Variants in ANO2 observed in about 807,000 individuals in gnomAD.
The protein encoded by ANO2 is anoctamin 2.
A neutral mutation model predicts 124.2 loss-of-function variants in ANO2; 101 were observed. That is an observed-to-expected ratio of 0.81 (90% confidence interval 0.69 to 0.96). The LOEUF (loss-of-function observed/expected upper bound fraction) is 0.96. Among genes scored for constraint, ANO2 ranks in the 40% least tolerant of loss-of-function variants. The pLI is 0.00. For missense variants in ANO2, 1,293 were observed against 1,274.5 expected (o/e 1.01, Z -0.22); for synonymous variants, 486 against 482.5 (o/e 1.01, Z -0.09).
chr12:5,761,058 CAAAAA>C (rs34278479), intron 10 of ANO2, among the ~76,000 whole-genome samples: 9 of 120,938 alleles, frequency 7.4e-5, no homozygotes, highest in Non-Finnish European at 8.6e-5. Context: ...ACCCCCACAG[CAAAAA>C]AAAAAAAAAA....
At chr12:5,789,509 C>T (rs1021397763) in intron 10 of ANO2, among the ~76,000 whole-genome samples, 2 of 152,212 alleles carry the variant, frequency 1.3e-5, no homozygotes, top group South Asian at 2.1e-4. Flanking sequence ...GAGTCCCTGC[C>T]GCAGGCTGAG....
chr12:5,847,506 C>T (rs1437092000), intron 4 of ANO2, among the ~76,000 whole-genome samples: 1 of 150,136 alleles, frequency 6.7e-6, no homozygotes, highest in Non-Finnish European at 1.5e-5. Flanking sequence ...TCTGGAGAAC[C>T]CTAATACAAG....
intron 14 of ANO2, among the ~76,000 whole-genome samples, chr12:5,694,493 G>C (rs1256621659): frequency 1.3e-5 from 2 of 152,100 alleles, no homozygotes; most frequent in African/African-American, 4.8e-5. Flanking sequence ...CCCACAAAGA[G>C]TTTACAGAGA....
chr12:5,744,148 G>T lies in ANO2; in HGVS notation c.1351+9C>A, dbSNP rs750688128. 9.9e-6 allele frequency: 16 copies of T among 1,613,146 alleles called. No homozygotes were observed. The highest frequency in any genetic ancestry group is 1.3e-5 in the Non-Finnish European group (15 of 1,179,820). ...ACCCATATAAGCAAGCCTGGTGATG[G>T]CCACATACCCCACAGAGCCATGAAG... On this transcript the variant is annotated intron_variant, in intron 12 of 24. Transcript: ENST00000682330.
Position 5,578,000 on chromosome 12 carries a change from C to A in ANO2, c.2394G>T (p.Trp798Cys), listed in dbSNP as rs201112965. Reference protein sequence around the residue: ...DAVRTKDIGIWFDILSGIGKF... With the variant: ...DAVRTKDIGICFDILSGIGKF... ...TGCCAATTCCAGAGAGAATGTCAAA[C>A]CAGATTCCTACAAGACAGAAAAGAC... The change falls in exon 22 of 25, where the codon TGG becomes TGT. Residue 798 changes from tryptophan (W) to cysteine (C), a missense_variant. Trp to Cys is a radical substitution (Grantham distance 215, BLOSUM62 -2). Coordinates refer to ENST00000682330, the MANE Select transcript of ANO2 (RefSeq NM_001364791.2). 4 of 1,613,638 alleles carry A rather than the reference C, an allele frequency of 2.5e-6. No individual in the cohort carries two copies. The highest frequency in any genetic ancestry group is 3.4e-6 in the Non-Finnish European group (4 of 1,179,768).
chr12:5,891,181 C>T (rs1939364364), intron 3 of ANO2, among the ~76,000 whole-genome samples: 1 of 152,146 alleles, frequency 6.6e-6, no homozygotes, highest in Admixed American at 6.5e-5. Context: ...TTAGCATGGA[C>T]AGAGAGAGCC....
At chr12:5,598,232 CA>C (rs1201688603) in intron 20 of ANO2, among the ~76,000 whole-genome samples, 4 of 152,188 alleles carry the variant, frequency 2.6e-5, no homozygotes, top group Admixed American at 6.5e-5. Flanking sequence ...GAGTCATATG[CA>C]AACACAGTGA....
intron 3 of ANO2, chr12:5,870,515 C>A (rs1460599303): frequency 6.6e-6 from 1 of 152,244 alleles, no homozygotes; most frequent in African/African-American, 2.4e-5. Flanking sequence ...GGCAGGAATT[C>A]TCTCAGCACC....
intron 23 of ANO2, among the ~76,000 whole-genome samples, chr12:5,574,521 A>G (rs1270567596): frequency 6.6e-6 from 1 of 151,732 alleles, no homozygotes; most frequent in Non-Finnish European, 1.5e-5. Flanking sequence ...ATGTAACCAC[A>G]TCCCAGTCCT....
chr12:5,907,489 A>G (rs941954552), intron 3 of ANO2, among the ~76,000 whole-genome samples: 1 of 152,220 alleles, frequency 6.6e-6, no homozygotes, highest in Non-Finnish European at 1.5e-5. Flanking sequence ...TTGAACTGTT[A>G]ACTCTCTGTT....
chr12:5,585,277 G>A (rs1943049988), intron 20 of ANO2, among the ~76,000 whole-genome samples: 1 of 152,108 alleles, frequency 6.6e-6, no homozygotes. Context: ...ACAATATGTG[G>A]AATTCCTTTT....
At chr12:5,579,265 C>T (rs1942600180) in intron 20 of ANO2, among the ~76,000 whole-genome samples, 1 of 152,190 alleles carries the variant, frequency 6.6e-6, no homozygotes, top group Non-Finnish European at 1.5e-5. Flanking sequence ...TGTAGGCAAA[C>T]ATGTGCAACA....
chr12:5,859,561 G>T (rs938257785), intron 3 of ANO2, among the ~76,000 whole-genome samples: 4 of 151,494 alleles, frequency 2.6e-5, no homozygotes, highest in Admixed American at 6.6e-5. Flanking sequence ...TCCAAGATGG[G>T]GTCTTGCTTT....
intron 1 of ANO2, among the ~76,000 whole-genome samples, chr12:5,934,104 CAT>C (rs1942550609): frequency 1.3e-5 from 2 of 152,216 alleles, no homozygotes; most frequent in African/African-American, 4.8e-5. Flanking sequence ...TAACACTTTA[CAT>C]GTGTCAGACA....
intron 19 of ANO2, among the ~76,000 whole-genome samples, chr12:5,609,362 T>C (rs1944368366): frequency 6.6e-6 from 1 of 151,856 alleles, no homozygotes; most frequent in Non-Finnish European, 1.5e-5. Flanking sequence ...CCAAAGAAAA[T>C]ACATGCCCAA....
At chr12:5,735,886 T>G (rs1313197971) in intron 13 of ANO2, among the ~76,000 whole-genome samples, 1 of 152,024 alleles carries the variant, frequency 6.6e-6, no homozygotes, top group African/African-American at 2.4e-5. Context: ...ACTGAGGATA[T>G]CTAAGCTTTG....
chr12:5,717,787 C>T (rs894478458), intron 14 of ANO2, among the ~76,000 whole-genome samples: 33 of 152,170 alleles, frequency 2.2e-4, no homozygotes, highest in African/African-American at 7.5e-4. Flanking sequence ...AAATACAGAT[C>T]CTGTGTTCTT....
At chr12:5,644,103 G>A (rs764835444) in intron 15 of ANO2, among the ~76,000 whole-genome samples, 4 of 151,990 alleles carry the variant, frequency 2.6e-5, no homozygotes, top group Non-Finnish European at 5.9e-5. Context: ...CCTACCCCAA[G>A]GTCATGAAAA....
intron 20 of ANO2, among the ~76,000 whole-genome samples, chr12:5,579,567 T>G (rs1263956716): frequency 1.3e-5 from 2 of 152,148 alleles, no homozygotes; most frequent in Admixed American, 6.5e-5. Context: ...ACGGGGTTTC[T>G]TGTCACCATT....
Sources: allele counts gnomAD v4.1 joint callset (sites outside exome capture counted in the v4.1 genomes callset), GRCh38; gene constraint gnomAD v4.1.1; transcripts MANE v1.5; gene names NCBI Gene and HGNC (gene_info 2026-07-23, HGNC 2026-07-21).